Variants in MGAT4C observed in about 807,000 individuals in gnomAD.
MGAT4C encodes MGAT4 family member C.
MGAT4C carries 19 observed loss-of-function variants against 40.1 expected under a neutral mutation model. The observed-to-expected ratio is 0.47, with a 90% CI of 0.33 to 0.70. The LOEUF (loss-of-function observed/expected upper bound fraction) is 0.70. MGAT4C is among the 30% of genes least tolerant of loss of function. The probability of loss-of-function intolerance (pLI) is 0.02; values close to 1 mark genes in which losing one functional copy is unlikely to be tolerated. For synonymous variants in MGAT4C, 181 were observed against 187.1 expected (o/e 0.97, Z 0.27); for missense variants, 491 against 563.2 (o/e 0.87, Z 1.30).
At chr12:86,365,714 G>A (rs1369677349) in intron 3 of MGAT4C, among the ~76,000 whole-genome samples, 11 of 149,432 alleles carry the variant, frequency 7.4e-5, no homozygotes, top group Non-Finnish European at 1.3e-4. Flanking sequence ...AAGATCAAAT[G>A]GTTGTAGGTG....
intron 2 of MGAT4C, among the ~76,000 whole-genome samples, chr12:86,444,925 A>ATTT (rs1205188052): frequency 6.6e-6 from 1 of 152,232 alleles, no homozygotes; most frequent in Non-Finnish European, 1.5e-5. Flanking sequence ...AGCTAAACAA[A>ATTT]AAAGTACATA....
intron 2 of MGAT4C, among the ~76,000 whole-genome samples, chr12:86,682,928 A>G (rs1243966813): frequency 6.6e-6 from 1 of 152,098 alleles, no homozygotes; most frequent in Non-Finnish European, 1.5e-5. Context: ...GTTTTTATCT[A>G]TTTCCCTTTA....
intron 2 of MGAT4C, among the ~76,000 whole-genome samples, chr12:86,631,807 A>C (rs1963054592): frequency 6.6e-6 from 1 of 152,126 alleles, no homozygotes; most frequent in African/African-American, 2.4e-5. Context: ...AAACCCTAGA[A>C]GAAAACTTAG....
chr12:86,339,536 ATCAC>A (rs1231289403), intron 3 of MGAT4C, among the ~76,000 whole-genome samples: 11 of 152,180 alleles, frequency 7.2e-5, no homozygotes, highest in Non-Finnish European at 1.0e-4. Flanking sequence ...ATCAAATTTG[ATCAC>A]TCAATCTTCT....
chr12:86,264,336 T>A (rs1952731962), intron 4 of MGAT4C, among the ~76,000 whole-genome samples: 1 of 152,210 alleles, frequency 6.6e-6, no homozygotes, highest in Non-Finnish European at 1.5e-5. Flanking sequence ...GATATATTTT[T>A]AATTTATTTT....
chr12:86,288,524 T>A (rs1953416796), intron 4 of MGAT4C, among the ~76,000 whole-genome samples: 1 of 152,212 alleles, frequency 6.6e-6, no homozygotes, highest in Non-Finnish European at 1.5e-5. Context: ...AATTTTTGTA[T>A]ACGGTGTAAG....
At chr12:86,528,100 A>T (rs1206110941) in intron 2 of MGAT4C, among the ~76,000 whole-genome samples, 2 of 152,182 alleles carry the variant, frequency 1.3e-5, no homozygotes, top group Non-Finnish European at 2.9e-5. Context: ...GATCTCACAT[A>T]ATATAATTTC....
At chr12:86,210,389 A>G (rs570913352) in intron 1 of MGAT4C, among the ~76,000 whole-genome samples, 2 of 152,302 alleles carry the variant, frequency 1.3e-5, no homozygotes, top group Admixed American at 6.5e-5. Flanking sequence ...ATTTCACTAT[A>G]AAAAAACTGT....
chr12:86,726,583 C>A (rs942306739), intron 2 of MGAT4C, among the ~76,000 whole-genome samples: 1 of 152,112 alleles, frequency 6.6e-6, no homozygotes, highest in Admixed American at 6.5e-5. Flanking sequence ...GTAACACAAC[C>A]TTGGTTAGAG....
At chr12:86,671,583 AGACT>A (rs2136564365) in intron 2 of MGAT4C, among the ~76,000 whole-genome samples, 1 of 152,354 alleles carries the variant, frequency 6.6e-6, no homozygotes, top group East Asian at 1.9e-4. Flanking sequence ...AGATACCCAT[AGACT>A]GAAAACAATG....
chr12:86,441,491 T>TC (rs980460316), intron 2 of MGAT4C, among the ~76,000 whole-genome samples: 2 of 97,942 alleles, frequency 2.0e-5, no homozygotes, highest in African/African-American at 8.1e-5. Flanking sequence ...ATGCTTTCCC[T>TC]CCCCCCTCCC....
chr12:86,450,232 C>T (rs1357854259), intron 2 of MGAT4C, among the ~76,000 whole-genome samples: 1 of 152,016 alleles, frequency 6.6e-6, no homozygotes, highest in Non-Finnish European at 1.5e-5. Context: ...TTCCCATACT[C>T]ATTGGTTTTA....
chr12:86,497,699 A>C (rs1958262096), intron 2 of MGAT4C, among the ~76,000 whole-genome samples: 1 of 151,504 alleles, frequency 6.6e-6, no homozygotes, highest in South Asian at 2.1e-4. Context: ...CCAACATGAA[A>C]GTACATGTTC....
At chr12:86,763,853 T>C (rs1447383772) in intron 1 of MGAT4C, among the ~76,000 whole-genome samples, 1 of 152,104 alleles carries the variant, frequency 6.6e-6, no homozygotes, top group East Asian at 1.9e-4. Context: ...ATACCTAGAA[T>C]ACAGTTAAGA....
At chr12:86,771,145 C>T (rs924055240) in intron 1 of MGAT4C, among the ~76,000 whole-genome samples, 2 of 152,040 alleles carry the variant, frequency 1.3e-5, no homozygotes, top group African/African-American at 4.8e-5. Flanking sequence ...AGGAAAGAGG[C>T]CTGGAACATA....
intron 2 of MGAT4C, among the ~76,000 whole-genome samples, chr12:86,507,444 G>A (rs2136342664): frequency 6.6e-6 from 1 of 152,244 alleles, no homozygotes. Context: ...TGCCCAGTGG[G>A]ATATTTATGA....
intron 1 of MGAT4C, among the ~76,000 whole-genome samples, chr12:86,765,584 A>G (rs927241174): frequency 6.6e-6 from 1 of 152,194 alleles, no homozygotes; most frequent in Non-Finnish European, 1.5e-5. Flanking sequence ...CAAAGTTGAA[A>G]TGAAGGAAAA....
At chr12:86,119,526 G>A (rs1879006406) in intron 1 of MGAT4C, among the ~76,000 whole-genome samples, 1 of 151,738 alleles carries the variant, frequency 6.6e-6, no homozygotes, top group Admixed American at 6.6e-5. Context: ...TTCTGCTTCA[G>A]CCTCCAGAGT....
Position 85,966,978 on chromosome 12 carries a change from T to A in MGAT4C, c.*12311A>T, listed in dbSNP as rs1002456434. On this transcript the variant is annotated 3_prime_UTR_variant, in exon 5 of 5. Coordinates refer to ENST00000611864, the MANE Select transcript of MGAT4C (RefSeq NM_001351288.2). ...AGTTAATGGGTGCAGCACACCAACA[T>A]GGCACAGGTATACATATGTAACAAA... 1 of 151,970 alleles carries A rather than the reference T, an allele frequency of 6.6e-6. No individual in the cohort carries two copies. The highest frequency in any genetic ancestry group is 1.5e-5 in the Non-Finnish European group (1 of 68,000). The allele number at this position is 151,970 out of a possible 1,614,324, so 9.4% of individuals were successfully genotyped here. A position where few individuals can be genotyped will look rare whatever the true frequency, so the allele number is the denominator to read the frequency against.
Sources: gnomAD v4.1 joint callset for allele counts (sites outside exome capture counted in the v4.1 genomes callset) on GRCh38, gnomAD v4.1.1 for gene constraint, MANE v1.5 for transcripts, NCBI Gene and HGNC (gene_info 2026-07-23, HGNC 2026-07-21) for gene names.